The following FAM91A1 variants were observed in gnomAD, a reference collection of about 807,000 sequenced individuals.
FAM91A1 encodes the protein family with sequence similarity 91 member A1, also known as protein FAM91A1.
Under a neutral mutation model 113.5 loss-of-function variants are expected in FAM91A1, and 41 were observed. The observed-to-expected ratio is 0.36, with a 90% confidence interval of 0.28 to 0.47. The LOEUF (loss-of-function observed/expected upper bound fraction) is 0.47. Among genes scored for constraint, FAM91A1 ranks in the 20% least tolerant of loss-of-function variants. FAM91A1 has a pLI of 1.00. For missense variants in FAM91A1, 696 were observed against 1,001.2 expected, an observed-to-expected ratio of 0.70 and a Z score of 4.11; for synonymous variants, 307 against 347.9, an observed-to-expected ratio of 0.88 and a Z score of 1.31.
chr8:123,799,410 G>A (rs1815621580), intron 16 of FAM91A1, 110 bp from the exon 17 acceptor site: 2 of 893,760 alleles, frequency 2.2e-6, no homozygotes, highest in East Asian at 2.7e-5. Flanking sequence ...TTTTCTTGAG[G>A]ATAGTTGCAG....
chr8:123,799,316 G>C (rs746357304), intron 16 of FAM91A1, among the ~76,000 whole-genome samples: 4 of 152,156 alleles, frequency 2.6e-5, no homozygotes, highest in Non-Finnish European at 5.9e-5. Context: ...TCTCCAGAGT[G>C]CATTCTCTTA....
intron 18 of FAM91A1, among the ~76,000 whole-genome samples, chr8:123,804,922 A>T (rs1815768242): frequency 6.6e-6 from 1 of 152,000 alleles, no homozygotes. Context: ...GATTATGGGG[A>T]TTCTTCCACC....
At chr8:123,807,016 T>A (rs189851767) in intron 20 of FAM91A1, among the ~76,000 whole-genome samples, 37 of 152,246 alleles carry the variant, frequency 2.4e-4, no homozygotes, top group Admixed American at 2.2e-3. Context: ...GTGGTGCCAG[T>A]TCTTATCCAT....
At position 123,794,200 on chromosome 8, in the gene FAM91A1, G is replaced by A. The variant is rs189685044; in HGVS notation, c.1412-3890G>A. 1.2e-4 allele frequency among the ~76,000 whole-genome samples: 18 copies of A among 152,216 alleles called. No homozygotes were observed. The East Asian group carries it at 2.3e-3, about 20-fold the overall frequency. On this transcript the variant is annotated intron_variant, in intron 15 of 23. Coordinates refer to ENST00000334705, the MANE Select transcript of FAM91A1 (RefSeq NM_144963.4). ...TATGGGATAATTTTTATGAGTAAAC[G>A]TTTTGGAACATTTTTTTGGAAATTT...
In FAM91A1 at chr8:123,812,605, A is replaced by C. The variant is rs779946373; in HGVS notation, c.2418A>C (p.Pro806=). Residue 806 remains proline (P), a synonymous_variant, in exon 24 of 24, where the codon CCA becomes CCC. Coordinates refer to ENST00000334705, the MANE Select transcript of FAM91A1 (RefSeq NM_144963.4). ...SQSSCADMGV[P]LPAKNLIFKD... is the part of the protein sequence containing the mutation. ...CATCGTGTGCTGACATGGGTGTTCC[A>C]CTTCCTGCAAAAAACTTAATATTTA... is the stretch of plus-strand genomic sequence containing the variant. 2.5e-6 allele frequency: 4 copies of C among 1,611,936 alleles called. No individual in the cohort carries two copies. The highest frequency in any genetic ancestry group is 3.4e-6 in the Non-Finnish European group (4 of 1,179,030).
intron 14 of FAM91A1, among the ~76,000 whole-genome samples, chr8:123,788,880 AT>A (rs1448097485): frequency 6.6e-6 from 1 of 152,222 alleles, no homozygotes; most frequent in East Asian, 1.9e-4. Context: ...ATTCTTAGCT[AT>A]TTTTTAAGTA....
In FAM91A1 at chr8:123,815,058, T is replaced by C. The variant is rs562932437; in HGVS notation, c.*2354T>C. 6.5e-6 allele frequency: 1 copy of C among 152,704 alleles called. No homozygotes were observed. The highest frequency in any genetic ancestry group is 2.1e-4 in the South Asian group (1 of 4,822). 9.5% of individuals were successfully genotyped at this position (152,704 alleles called of 1,614,324 possible). A position where few individuals can be genotyped will look rare whatever the true frequency, so the allele number is the denominator to read the frequency against. Reference sequence around the variant, plus strand: ...GAAAGAACAAATATCAAAAAAGACATAGAATTTAATATTGATACAATTTCA... The same window carrying C: ...GAAAGAACAAATATCAAAAAAGACACAGAATTTAATATTGATACAATTTCA... On this transcript the variant is annotated 3_prime_UTR_variant, in exon 24 of 24. Transcript: ENST00000334705.
rs1442730819 is a variant in FAM91A1 at position 123,775,025 on chromosome 8, T to G, written c.158-122T>G. The G allele has an allele frequency of 7.4e-6, 7 of 947,698 alleles. No homozygotes were observed. The East Asian group carries it at 2.0e-4, about 27-fold the overall frequency. 58.7% of individuals were successfully genotyped at this position (947,698 alleles called of 1,614,324 possible). ...CTTTGTTCCAACTTAGAATATTTTA[T>G]TTGTTCTCTTGTAATTTACATACTT... On this transcript the variant is annotated intron_variant, in intron 2 of 23. Coordinates refer to ENST00000334705, the MANE Select transcript of FAM91A1 (RefSeq NM_144963.4).
intron 8 of FAM91A1, among the ~76,000 whole-genome samples, chr8:123,781,727 T>C (rs1012284696): frequency 6.6e-6 from 1 of 152,164 alleles, no homozygotes; most frequent in African/African-American, 2.4e-5. Flanking sequence ...TCAAGCAATC[T>C]GCCCGCCTCG....
chr8:123,809,000 CT>C lies in FAM91A1; in HGVS notation c.2248del (p.Cys750AlafsTer63). The stretch of plus-strand genomic sequence containing the variant: ...TTGTAGGAAAATTGCTGCACATGGC[CT>C]TTGCAGAAAAGAGAGGTGAGGGTTT... ...KVCRKIAAHG[L>X]CRKESLQNLL... On this transcript the variant is annotated frameshift_variant, in exon 22 of 24. Coordinates refer to ENST00000334705, the MANE Select transcript of FAM91A1 (RefSeq NM_144963.4). LOFTEE classifies it high-confidence loss of function. 1 of 1,612,528 alleles carries C rather than the reference CT, an allele frequency of 6.2e-7. No homozygotes were observed. Among genetic ancestry groups the C allele is most frequent in the Non-Finnish European group, 8.5e-7 (1 of 1,178,964 alleles).
chr8:123,805,426 G>T (rs927946957), intron 19 of FAM91A1, 87 bp downstream of exon 19: 7 of 1,117,762 alleles, frequency 6.3e-6, no homozygotes, highest in African/African-American at 1.6e-5. Flanking sequence ...GGCAGGAAAT[G>T]AATTCTTGAA....
chr8:123,787,467 A>T (rs1815287154), intron 13 of FAM91A1, 94 bp downstream of exon 13: 1 of 1,105,010 alleles, frequency 9.0e-7, no homozygotes, highest in Non-Finnish European at 1.3e-6. Context: ...AAAGTACTAC[A>T]TTTATTCCCG....
intron 1 of FAM91A1, among the ~76,000 whole-genome samples, chr8:123,769,413 C>T (rs544256277): frequency 1.3e-5 from 2 of 152,214 alleles, no homozygotes; most frequent in South Asian, 4.1e-4. Flanking sequence ...TTTTTGAGTG[C>T]GCGGGGCTGG....
intron 8 of FAM91A1, among the ~76,000 whole-genome samples, chr8:123,782,329 A>C (rs944777552): frequency 1.1e-4 from 17 of 152,218 alleles, no homozygotes; most frequent in African/African-American, 4.1e-4. Context: ...AACACATAAA[A>C]ACAGTTTTGA....
intron 1 of FAM91A1, among the ~76,000 whole-genome samples, chr8:123,769,298 G>GT (rs111343534): frequency 0.13 from 19,472 of 152,146 alleles, 2,217 homozygotes; most frequent in African/African-American, 0.31. Flanking sequence ...TTTCCAGGGG[G>GT]AGGGAAAGTC....
At chr8:123,793,072 G>A (rs1182005976) in intron 15 of FAM91A1, among the ~76,000 whole-genome samples, 1 of 152,082 alleles carries the variant, frequency 6.6e-6, no homozygotes, top group African/African-American at 2.4e-5. Context: ...CAGAAAATAT[G>A]CTGACGTTAT....
intron 11 of FAM91A1, 96 bp from the exon 12 acceptor site, chr8:123,786,399 T>A: frequency 1.1e-6 from 1 of 916,442 alleles, no homozygotes; most frequent in East Asian, 2.5e-5. Context: ...TGAATTTTGA[T>A]GGATTGTTCA....
In FAM91A1 at chr8:123,798,234, C is replaced by T. The variant is rs778789744; in HGVS notation, c.1556C>T (p.Pro519Leu). 8 of 1,613,708 alleles carry T rather than the reference C, an allele frequency of 5.0e-6. No individual in the cohort carries two copies. In the Admixed American group the frequency reaches 1.2e-4, roughly 24 times the overall value. Reference sequence around the variant, plus strand: ...ATCCGGCCTGTCAGCAGCTGCACCCCTCAGGTAAAGACCTACTTGGAAGAT... The same window carrying T: ...ATCCGGCCTGTCAGCAGCTGCACCCTTCAGGTAAAGACCTACTTGGAAGAT... Reference protein sequence around the residue: ...NEIRPVSSCTPQHIGPAIPEV... With the variant: ...NEIRPVSSCTLQHIGPAIPEV... The change falls in exon 16 of 24, where the codon CCT becomes CTT. Residue 519 changes from proline (P) to leucine (L), a missense_variant. Physicochemically the swap from Pro to Leu is moderately conservative, Grantham distance 98. Transcript: ENST00000334705.
chr8:123,806,348 C>T, intron 20 of FAM91A1, 119 bp downstream of exon 20: 3 of 1,068,336 alleles, frequency 2.8e-6, no homozygotes, highest in Non-Finnish European at 4.0e-6. Flanking sequence ...ACTCAATATT[C>T]TTTCACTGAA....
Sources: allele counts gnomAD v4.1 joint callset (sites outside exome capture counted in the v4.1 genomes callset), GRCh38; gene constraint gnomAD v4.1.1; transcripts MANE v1.5; gene names NCBI Gene and HGNC (gene_info 2026-07-23, HGNC 2026-07-21).